MILR1: variants seen among roughly 807,000 people sequenced by gnomAD.
MILR1 encodes allergin-1.
In MILR1, 31 loss-of-function variants were observed where a neutral mutation model predicts 18.5. The observed-to-expected ratio is 1.68, with a 90% CI of 1.26 to 2.26. The LOEUF is 2.26. Ranked by LOEUF, MILR1 falls within the 30% of genes most tolerant of loss-of-function variation. The pLI is 0.00. For missense variants in MILR1, 257 were observed against 157.4 expected, an observed-to-expected ratio of 1.63 and a Z score of -3.38; for synonymous variants, 85 against 56.2, an observed-to-expected ratio of 1.51 and a Z score of -2.30.
intron 2 of MILR1, among the ~76,000 whole-genome samples, chr17:64,449,657 T>C (rs1337436634): frequency 6.6e-6 from 1 of 152,132 alleles, no homozygotes; most frequent in Non-Finnish European, 1.5e-5. Flanking sequence ...ACACACAGGC[T>C]GGGTGTGGTG....
chr17:64,482,455 GGGA>G, the MILR1 span, among the ~76,000 whole-genome samples: 1 of 151,536 alleles, frequency 6.6e-6, no homozygotes, highest in Non-Finnish European at 1.5e-5. Flanking sequence ...CTGAGTATCT[GGGA>G]CTACAGGTGC....
chr17:64,467,780 C>G, intron 9 of MILR1, 135 bp downstream of exon 9: 2 of 526,008 alleles, frequency 3.8e-6, no homozygotes, highest in Non-Finnish European at 6.9e-6. Flanking sequence ...ACTAAAAATA[C>G]AAAAATTAGC....
At chr17:64,484,570 G>A in the MILR1 span, among the ~76,000 whole-genome samples, 1 of 152,106 alleles carries the variant, frequency 6.6e-6, no homozygotes. Flanking sequence ...GAGGAGTGGC[G>A]GTGGCTTATA....
chr17:64,455,249 G>T (rs891954345), intron 3 of MILR1, among the ~76,000 whole-genome samples: 126 of 152,144 alleles, frequency 8.3e-4, no homozygotes, highest in Non-Finnish European at 1.4e-3. Flanking sequence ...TACACAGTCT[G>T]GTAATAAAAC....
At chr17:64,480,175 TA>T in the MILR1 span, 1 of 291,756 alleles carries the variant, frequency 3.4e-6, no homozygotes, top group African/African-American at 2.3e-5. Context: ...AACTGAGGAA[TA>T]ATTTAAAATT....
At chr17:64,460,377 C>T (rs892154489) in intron 4 of MILR1, among the ~76,000 whole-genome samples, 35 of 151,410 alleles carry the variant, frequency 2.3e-4, no homozygotes, top group Non-Finnish European at 4.1e-4. Context: ...TGGTTCTGTC[C>T]CTCAGGCTGG....
At chr17:64,468,207 C>T (rs1042233327) in intron 9 of MILR1, 103 bp from the exon 10 acceptor site, 7 of 455,616 alleles carry the variant, frequency 1.5e-5, no homozygotes, top group African/African-American at 1.2e-4. Context: ...CTTCCAGCTT[C>T]TGGGGCTCCA....
chr17:64,458,692 C>T (rs999601249), intron 4 of MILR1, among the ~76,000 whole-genome samples: 5 of 152,002 alleles, frequency 3.3e-5, no homozygotes, highest in Non-Finnish European at 7.4e-5. Context: ...TTCCCCTAGG[C>T]TGAGGGGTTC....
chr17:64,492,457 A>G, the MILR1 span, among the ~76,000 whole-genome samples: 1 of 152,260 alleles, frequency 6.6e-6, no homozygotes, highest in Non-Finnish European at 1.5e-5. Flanking sequence ...AGGCTAATTA[A>G]CAAACACATC....
intron 2 of MILR1, 138 bp from the exon 3 acceptor site, chr17:64,452,459 C>T (rs1440430243): frequency 5.1e-6 from 2 of 395,510 alleles, no homozygotes; most frequent in Admixed American, 8.9e-5. Context: ...TGCCATGTTG[C>T]CCAGACTGGT....
chr17:64,464,537 G>A (rs1328447834), intron 5 of MILR1, among the ~76,000 whole-genome samples: 1 of 151,986 alleles, frequency 6.6e-6, no homozygotes, highest in African/African-American at 2.4e-5. Flanking sequence ...ACTGCACCCT[G>A]GCCCACATCT....
chr17:64,484,233 T>C, the MILR1 span: 1 of 152,202 alleles, frequency 6.6e-6, no homozygotes, highest in Non-Finnish European at 1.5e-5. Flanking sequence ...TCAGCAACTT[T>C]AAGGTGGTCA....
chr17:64,467,492 A>T (rs1598106537), intron 8 of MILR1, 73 bp from the exon 9 acceptor site: 1 of 904,712 alleles, frequency 1.1e-6, no homozygotes. Context: ...CCCAGCTACT[A>T]GAAATAGGAT....
At chr17:64,481,495 A>G in the MILR1 span, 2 of 654,374 alleles carry the variant, frequency 3.1e-6, no homozygotes, top group Non-Finnish European at 3.8e-6. Flanking sequence ...AAGAGTATTT[A>G]ATCATTAGAA....
chr17:64,491,426 C>T, the MILR1 span: 1 of 751,890 alleles, frequency 1.3e-6, no homozygotes, highest in African/African-American at 1.8e-5. Flanking sequence ...AAGACTTCAT[C>T]TCTACAAATA....
At chr17:64,464,296 T>G (rs2037499452) in intron 5 of MILR1, among the ~76,000 whole-genome samples, 1 of 150,526 alleles carries the variant, frequency 6.6e-6, no homozygotes, top group Admixed American at 6.6e-5. Flanking sequence ...TTTTTTTTTT[T>G]TGTAGGTTTC....
chr17:64,496,389 T>C, the MILR1 span: 1 of 1,526,162 alleles, frequency 6.6e-7, no homozygotes, highest in Non-Finnish European at 8.9e-7. Context: ...TTTTGAAGCA[T>C]GAAATCGTGA....
intron 5 of MILR1, among the ~76,000 whole-genome samples, chr17:64,462,375 A>G (rs913402652): frequency 2.1e-4 from 32 of 152,280 alleles, no homozygotes; most frequent in African/African-American, 7.5e-4. Flanking sequence ...GCCTGTGAAC[A>G]GTGTTCATTT....
At chr17:64,475,376 C>T in the MILR1 span, among the ~76,000 whole-genome samples, 5 of 151,882 alleles carry the variant, frequency 3.3e-5, no homozygotes, top group African/African-American at 1.2e-4. Context: ...CGGCCGGGTG[C>T]GGTGGCTCAT....
Sources: gnomAD v4.1 joint callset for allele counts (sites outside exome capture counted in the v4.1 genomes callset) on GRCh38, gnomAD v4.1.1 for gene constraint, MANE v1.5 for transcripts, NCBI Gene and HGNC (gene_info 2026-07-23, HGNC 2026-07-21) for gene names.